The following NEK10 variants were observed in gnomAD, a reference collection of about 807,000 sequenced individuals.
NEK10 encodes the protein serine/threonine-protein kinase Nek10.
Under a neutral mutation model 159.8 loss-of-function variants are expected in NEK10, and 122 were observed. The observed-to-expected ratio is 0.76, with a 90% confidence interval of 0.66 to 0.89. The LOEUF (loss-of-function observed/expected upper bound fraction) is 0.89. NEK10 is among the 40% of genes least tolerant of loss of function. The pLI is 0.00. For missense variants in NEK10, 1,342 were observed against 1,323.1 expected (o/e 1.01, Z -0.22); for synonymous variants, 466 against 457.1 (o/e 1.02, Z -0.25).
At chr3:27,112,613 A>G (rs1939737532) in intron 35 of NEK10, among the ~76,000 whole-genome samples, 1 of 152,190 alleles carries the variant, frequency 6.6e-6, no homozygotes, top group South Asian at 2.1e-4. Context: ...CCATGTAAAG[A>G]GTGAGGAAAA....
intron 13 of NEK10, among the ~76,000 whole-genome samples, chr3:27,299,564 G>A (rs1395173563): frequency 6.6e-6 from 1 of 152,206 alleles, no homozygotes; most frequent in Non-Finnish European, 1.5e-5. Context: ...GCAGGCCACT[G>A]TCCTCCAGTA....
At chr3:27,269,326 A>G (rs2041150028) in intron 22 of NEK10, among the ~76,000 whole-genome samples, 1 of 152,218 alleles carries the variant, frequency 6.6e-6, no homozygotes, top group Admixed American at 6.5e-5. Flanking sequence ...ATTTCATGCT[A>G]CAGACATTTA....
chr3:27,333,377 C>G (rs2046563553), intron 5 of NEK10, among the ~76,000 whole-genome samples: 2 of 151,876 alleles, frequency 1.3e-5, no homozygotes, highest in Non-Finnish European at 2.9e-5. Flanking sequence ...AAAGCCCTGT[C>G]TCTACTAAAA....
chr3:27,222,766 T>G (rs926796303), intron 23 of NEK10, among the ~76,000 whole-genome samples: 1 of 74,328 alleles, frequency 1.3e-5, no homozygotes, highest in African/African-American at 1.7e-4. Flanking sequence ...CTCATTTTCA[T>G]GTAAAAAAAA....
At chr3:27,260,068 T>G (rs566131184) in intron 22 of NEK10, among the ~76,000 whole-genome samples, 1 of 152,364 alleles carries the variant, frequency 6.6e-6, no homozygotes, top group East Asian at 1.9e-4. Context: ...TACATTAATT[T>G]TGTATCCTGA....
chr3:27,196,340 T>G lies in NEK10; in HGVS notation c.2292-4098A>C, dbSNP rs1305281460. On this transcript the variant is annotated intron_variant, in intron 25 of 35. Transcript: ENST00000691995. ...GGAACTGCTCACTCAGGGAGCTCAG[T>G]TTTTGGAGACGTGAGTCTGCCGGTG... Among the ~76,000 whole-genome samples, 3 of 152,130 alleles carry G rather than the reference T, an allele frequency of 2.0e-5. No individual in the cohort carries two copies. In the East Asian group the frequency reaches 5.8e-4, roughly 29 times the overall value.
intron 25 of NEK10, among the ~76,000 whole-genome samples, chr3:27,195,342 C>T (rs1949472098): frequency 6.6e-6 from 1 of 152,078 alleles, no homozygotes; most frequent in Admixed American, 6.6e-5. Flanking sequence ...TGAGTTTGTT[C>T]CCTAATTCTT....
intron 23 of NEK10, among the ~76,000 whole-genome samples, chr3:27,249,797 T>C (rs1955470537): frequency 6.6e-6 from 1 of 152,218 alleles, no homozygotes; most frequent in Non-Finnish European, 1.5e-5. Context: ...GTATTCTCTT[T>C]CATTCTTCTT....
At chr3:27,256,274 G>C (rs1046765501) in intron 23 of NEK10, 22 bp downstream of exon 23, 1 of 1,177,050 alleles carries the variant, frequency 8.5e-7, no homozygotes, top group Non-Finnish European at 1.2e-6. Context: ...ATGTTTGAGA[G>C]CCATAAAAGA....
At chr3:27,262,717 C>T (rs2040526700) in intron 22 of NEK10, among the ~76,000 whole-genome samples, 1 of 152,136 alleles carries the variant, frequency 6.6e-6, no homozygotes, top group Non-Finnish European at 1.5e-5. Context: ...ATTGATTATT[C>T]TAGTTAGCCA....
intron 23 of NEK10, among the ~76,000 whole-genome samples, 174 bp downstream of exon 23, chr3:27,256,122 A>G (rs1448551922): frequency 6.6e-6 from 1 of 152,186 alleles, no homozygotes; most frequent in Non-Finnish European, 1.5e-5. Flanking sequence ...TGGTTGTTTT[A>G]AGCATACATA....
chr3:27,345,302 T>A (rs2047476207), intron 4 of NEK10, among the ~76,000 whole-genome samples: 1 of 152,178 alleles, frequency 6.6e-6, no homozygotes. Flanking sequence ...GCACTGGTAC[T>A]CACTATATGA....
chr3:27,223,691 C>A lies in NEK10; in HGVS notation c.2091-21134G>T, dbSNP rs1225278001. ...TGTTTGCCTCTTAAGCATTGTGGCT[C>A]CTCAAGGTTTTATTCATCACTTGTC... On this transcript the variant is annotated intron_variant, in intron 23 of 35. Transcript: ENST00000691995. 2.6e-5 allele frequency among the ~76,000 whole-genome samples: 4 copies of A among 152,112 alleles called. No individual in the cohort carries two copies. The South Asian group carries it at 6.2e-4, about 24-fold the overall frequency.
At chr3:27,205,604 T>G (rs1223176493) in intron 23 of NEK10, among the ~76,000 whole-genome samples, 5 of 139,192 alleles carry the variant, frequency 3.6e-5, no homozygotes, top group South Asian at 2.3e-4. Context: ...ACAAGCAATG[T>G]GGAAAGGATT....
At chr3:27,271,215 C>A (rs73161106) in intron 22 of NEK10, among the ~76,000 whole-genome samples, 3,745 of 151,710 alleles carry the variant, frequency 0.025, 159 homozygotes, top group African/African-American at 0.086. Flanking sequence ...ATCTGTCTAA[C>A]CTCTCCACCT....
intron 23 of NEK10, among the ~76,000 whole-genome samples, chr3:27,237,436 C>T (rs187968146): frequency 8.6e-4 from 131 of 152,256 alleles, no homozygotes; most frequent in Non-Finnish European, 1.7e-3. Context: ...GCAGTAAAGA[C>T]AGGTGTAAGA....
chr3:27,264,573 C>T (rs1267517430), intron 22 of NEK10, among the ~76,000 whole-genome samples: 1 of 152,050 alleles, frequency 6.6e-6, no homozygotes, highest in East Asian at 1.9e-4. Context: ...CACATATAGC[C>T]CCTGAATCCA....
At chr3:27,228,742 C>G (rs1425761806) in intron 23 of NEK10, among the ~76,000 whole-genome samples, 2 of 152,162 alleles carry the variant, frequency 1.3e-5, no homozygotes, top group Non-Finnish European at 2.9e-5. Flanking sequence ...GTGACAATTC[C>G]TCCCTACTTG....
At chr3:27,340,668 C>T (rs948126033) in intron 5 of NEK10, among the ~76,000 whole-genome samples, 1 of 152,098 alleles carries the variant, frequency 6.6e-6, no homozygotes, top group Non-Finnish European at 1.5e-5. Flanking sequence ...TATCATCTTA[C>T]CCCAGTTAGA....
Sources: allele counts gnomAD v4.1 joint callset (sites outside exome capture counted in the v4.1 genomes callset), GRCh38; gene constraint gnomAD v4.1.1; transcripts MANE v1.5; gene names NCBI Gene and HGNC (gene_info 2026-07-23, HGNC 2026-07-21).